ZNF213: variants seen among roughly 807,000 people sequenced by gnomAD.
ZNF213 encodes putative transcription factor CR53.
In ZNF213, 32 loss-of-function variants were observed where a neutral mutation model predicts 46.0. The ratio of observed to expected loss-of-function variants is 0.70; its 90% confidence interval spans 0.52 to 0.93. ZNF213 has a LOEUF of 0.93. ZNF213 is among the 40% of genes least tolerant of loss of function. The probability of loss-of-function intolerance (pLI) is 0.00; values close to 1 mark genes in which losing one functional copy is unlikely to be tolerated. For missense variants in ZNF213, 639 were observed against 652.8 expected, an observed-to-expected ratio of 0.98 and a Z score of 0.23; for synonymous variants, 297 against 271.0, an observed-to-expected ratio of 1.10 and a Z score of -0.94.
chr16:3,138,799 G>C lies in ZNF213; in HGVS notation c.578G>C (p.Cys193Ser). 1 of 1,614,036 alleles carries C rather than the reference G, an allele frequency of 6.2e-7. No homozygotes were observed. Among genetic ancestry groups the C allele is most frequent in the Non-Finnish European group, 8.5e-7 (1 of 1,179,976 alleles). Residue 193 changes from cysteine (C) to serine (S), a missense_variant, in exon 4 of 6, where the codon TGC (cysteine) becomes TCC (serine). Transcript: ENST00000396878. ...EGRPGETTDT[C>S]FVSGVHGPVA... ...CGTCCCGGAGAGACGACGGACACCT[G>C]CTTTGTCTCTGGGGTCCATGTGAGT...
rs374737117 is a variant in ZNF213, at chr16:3,142,128, GCACTCCATCAGCACTAGCACCT to G, written c.*813_*834del. Reference sequence around the variant, plus strand: ...TGGGGCTGCACCAGACTCAGCACTAGCACTCCATCAGCACTAGCACCTCACTCCATCAGCACTAGCACCTCAC... The same window carrying G: ...TGGGGCTGCACCAGACTCAGCACTAGCACTCCATCAGCACTAGCACCTCAC... On this transcript the variant is annotated 3_prime_UTR_variant, in exon 6 of 6. Coordinates refer to ENST00000396878, the MANE Select transcript of ZNF213 (RefSeq NM_004220.3). The G allele has an allele frequency of 2.5e-3, 427 of 169,572 alleles. 2 individuals are homozygous for G. The highest frequency in any genetic ancestry group is 9.3e-3 in the African/African-American group (386 of 41,618). The allele number at this position is 169,572 out of a possible 1,614,324, so 10.5% of individuals were successfully genotyped here.
Position 3,141,626 on chromosome 16 carries a change from A to C in ZNF213, c.*279A>C. On this transcript the variant is annotated 3_prime_UTR_variant, in exon 6 of 6. Coordinates refer to ENST00000396878, the MANE Select transcript of ZNF213 (RefSeq NM_004220.3). ...CTCTAGTTTCCTGGAGCCCCAACAC[A>C]TTCCTGGCAGGGACAGCAGGGTGGC... 2.2e-6 allele frequency: 1 copy of C among 460,628 alleles called. No homozygotes were observed. Among genetic ancestry groups the C allele is most frequent in the Non-Finnish European group, 3.8e-6 (1 of 261,398 alleles). 28.5% of individuals were successfully genotyped at this position (460,628 alleles called of 1,614,324 possible).
intron 5 of ZNF213, 59 bp from the exon 6 acceptor site, chr16:3,140,630 C>T (rs1031498127): frequency 5.5e-6 from 8 of 1,461,306 alleles, no homozygotes; most frequent in African/African-American, 3.0e-5. Context: ...TTCTTCCTCA[C>T]CTCAGCTCTG....
chr16:3,138,205 T>G lies in ZNF213; in HGVS notation c.400-213T>G. On this transcript the variant is annotated intron_variant, in intron 2 of 5. Coordinates refer to ENST00000396878, the MANE Select transcript of ZNF213 (RefSeq NM_004220.3). Reference sequence around the variant, plus strand: ...TGTGATTCTGGCCTTTCAGGGCTGGTTCTTGCCTCGTGAATGATCGGGGAG... The same window carrying G: ...TGTGATTCTGGCCTTTCAGGGCTGGGTCTTGCCTCGTGAATGATCGGGGAG... 6 of 947,216 alleles carry G rather than the reference T, an allele frequency of 6.3e-6. No individual in the cohort carries two copies. The South Asian group carries it at 7.0e-5, about 11-fold the overall frequency. 58.7% of individuals were successfully genotyped at this position (947,216 alleles called of 1,614,324 possible).
rs2094633046 is a variant in ZNF213 at position 3,142,370 on chromosome 16, C to CGG, written c.*1023_*1024insGG. On this transcript the variant is annotated 3_prime_UTR_variant, in exon 6 of 6. Coordinates refer to ENST00000396878, the MANE Select transcript of ZNF213 (RefSeq NM_004220.3). ...ACTCCAGCGGCACTAATGACCCGCT[C>CGG]CTTTGACATTGGTGCCCCACTCCAT... is the stretch of plus-strand genomic sequence containing the variant. 55 of 159,386 alleles carry CGG rather than the reference C, an allele frequency of 3.5e-4. No homozygotes were observed. The highest frequency in any genetic ancestry group is 5.7e-4 in the South Asian group (8 of 14,084). 9.9% of individuals were successfully genotyped at this position (159,386 alleles called of 1,614,324 possible). A position where few individuals can be genotyped will look rare whatever the true frequency, so the allele number is the denominator to read the frequency against.
At position 3,139,006 on chromosome 16, in the gene ZNF213, A is replaced by C. The variant is rs542730258; in HGVS notation, c.629A>C (p.Tyr210Ser). Residue 210 changes from tyrosine to serine, a missense_variant, in exon 5 of 6, where the codon TAT becomes TCT. Tyr to Ser is a moderately radical substitution (Grantham distance 144). Transcript: ENST00000396878. ...GPVALGDIPF[Y>S]FSREEWGTLD... ...GTGGCATTGGGAGACATCCCATTCT[A>C]TTTCTCCCGGGAAGAATGGGGCACC... 1.2e-6 allele frequency: 2 copies of C among 1,613,728 alleles called. No individual in the cohort carries two copies. The highest frequency in any genetic ancestry group is 1.7e-6 in the Non-Finnish European group (2 of 1,179,914).
At position 3,137,398 on chromosome 16, in the gene ZNF213, G is replaced by A. The variant is rs755016107; in HGVS notation, c.118G>A (p.Asp40Asn). ...QESAQHEDGRDSEACRQRFRQ... is the reference protein window; with the variant it reads ...QESAQHEDGRNSEACRQRFRQ... ...ATCTGCCCAGCATGAGGATGGCAGG[G>A]ATTCCGAAGCCTGCCGCCAGCGCTT... The change falls in exon 2 of 6, where the codon GAT becomes AAT. Residue 40 changes from aspartate (D) to asparagine (N), a missense_variant. Coordinates refer to ENST00000396878, the MANE Select transcript of ZNF213 (RefSeq NM_004220.3). The A allele has an allele frequency of 1.2e-6, 2 of 1,613,894 alleles. No homozygotes were observed. Among genetic ancestry groups the A allele is most frequent in the East Asian group, 4.5e-5 (2 of 44,894 alleles).
intron 5 of ZNF213, 158 bp downstream of exon 5, chr16:3,139,256 T>C: frequency 8.5e-7 from 1 of 1,177,858 alleles, no homozygotes; most frequent in South Asian, 1.5e-5. Flanking sequence ...TGATCAGTTT[T>C]TGTGCGTTTC....
rs113299509 is a variant in ZNF213 at position 3,135,716 on chromosome 16, T to G, written c.-116+329T>G. Among the ~76,000 whole-genome samples, 5 of 152,324 alleles carry G rather than the reference T, an allele frequency of 3.3e-5. 1 individual carries two copies. Among genetic ancestry groups the G allele is most frequent in the African/African-American group, 1.2e-4 (5 of 41,580 alleles). On this transcript the variant is annotated intron_variant, in intron 1 of 5. Transcript: ENST00000396878. The stretch of plus-strand genomic sequence containing the variant: ...TCTGGGACGTCATTTGTCAGACTGT[T>G]AAGTCGGGGGGTACAATGGTATTGA...
intron 2 of ZNF213, 178 bp downstream of exon 2, chr16:3,137,857 G>C (rs939371067): frequency 9.1e-6 from 7 of 767,340 alleles, no homozygotes; most frequent in Admixed American, 5.9e-5. Flanking sequence ...GCGATCCAAA[G>C]TAAATGTGAT....
At chr16:3,138,000 G>T in intron 2 of ZNF213, 1 of 479,426 alleles carries the variant, frequency 2.1e-6, no homozygotes, top group Admixed American at 3.8e-5. Context: ...GGGACACAAG[G>T]GTGTGCATAG....
chr16:3,135,827 ACTTTT>A (rs1303056582), intron 1 of ZNF213, among the ~76,000 whole-genome samples: 3 of 141,908 alleles, frequency 2.1e-5, no homozygotes, highest in African/African-American at 5.2e-5. Context: ...TTTTCTTTTT[ACTTTT>A]CTTTTCTTTC....
intron 2 of ZNF213, 33 bp downstream of exon 2, chr16:3,137,712 G>A (rs1206185753): frequency 1.9e-6 from 3 of 1,605,024 alleles, no homozygotes; most frequent in Non-Finnish European, 2.6e-6. Flanking sequence ...GGGGCACCTG[G>A]ATGGTATCTG....
intron 2 of ZNF213, 42 bp from the exon 3 acceptor site, chr16:3,138,376 G>T: frequency 6.2e-7 from 1 of 1,611,250 alleles, no homozygotes; most frequent in Non-Finnish European, 8.5e-7. Context: ...GTCTCCCCCG[G>T]TCTGGTCTCG....
chr16:3,139,177 CTT>C, intron 5 of ZNF213, 79 bp downstream of exon 5: 1 of 1,566,122 alleles, frequency 6.4e-7, no homozygotes, highest in Non-Finnish European at 8.6e-7. Flanking sequence ...CCACCCCATC[CTT>C]AGCTGGTTCC....
rs1567185459 is a variant in ZNF213 at position 3,138,717 on chromosome 16, T to A, written c.524-28T>A. 4 of 1,613,780 alleles carry A rather than the reference T, an allele frequency of 2.5e-6. No individual in the cohort carries two copies. In the Admixed American group the frequency reaches 5.0e-5, roughly 20 times the overall value. ...CGTCGGTGTCAAGCCTGGGCTGGCCTTTCTAAGGCTCCATTCTTCTCCTTC... is the reference window on the plus strand; with the variant it reads ...CGTCGGTGTCAAGCCTGGGCTGGCCATTCTAAGGCTCCATTCTTCTCCTTC... On this transcript the variant is annotated intron_variant, in intron 3 of 5. Transcript: ENST00000396878.
In ZNF213 at chr16:3,137,415, C is replaced by G; in HGVS notation, c.135C>G (p.Arg45=). The G allele has an allele frequency of 6.2e-7, 1 of 1,613,968 alleles. No homozygotes were observed. The highest frequency in any genetic ancestry group is 8.5e-7 in the Non-Finnish European group (1 of 1,180,036). ...HEDGRDSEAC[R]QRFRQFCYGD... is the part of the protein sequence containing the mutation. Reference sequence around the variant, plus strand: ...ATGGCAGGGATTCCGAAGCCTGCCGCCAGCGCTTCCGGCAATTCTGCTACG... The same window carrying G: ...ATGGCAGGGATTCCGAAGCCTGCCGGCAGCGCTTCCGGCAATTCTGCTACG... The change falls in exon 2 of 6, where the codon CGC becomes CGG. Residue 45 remains arginine, a synonymous_variant. Transcript: ENST00000396878.
At position 3,137,159 on chromosome 16, in the gene ZNF213, T is replaced by A; in HGVS notation, c.-115-7T>A. 7.3e-7 allele frequency: 1 copy of A among 1,362,974 alleles called. No individual in the cohort carries two copies. Among genetic ancestry groups the A allele is most frequent in the Non-Finnish European group, 9.9e-7 (1 of 1,013,796 alleles). 84.4% of individuals were successfully genotyped at this position (1,362,974 alleles called of 1,614,324 possible). A position where few individuals can be genotyped will look rare whatever the true frequency, so the allele number is the denominator to read the frequency against. Reference sequence around the variant, plus strand: ...TCCTCAGTCCTGCCATTTTGCTCTTTCCCCAGGAGTACACATCCAGATGCC... The same window carrying A: ...TCCTCAGTCCTGCCATTTTGCTCTTACCCCAGGAGTACACATCCAGATGCC... On this transcript the variant is annotated splice_polypyrimidine_tract_variant and splice_region_variant and intron_variant, in intron 1 of 5. Transcript: ENST00000396878.
intron 1 of ZNF213, among the ~76,000 whole-genome samples, chr16:3,136,070 A>T (rs1036423798): frequency 1.1e-4 from 16 of 152,044 alleles, no homozygotes; most frequent in African/African-American, 3.4e-4. Flanking sequence ...GCCTCAAGCA[A>T]TCATCCTGTG....
Sources: allele counts gnomAD v4.1 joint callset (sites outside exome capture counted in the v4.1 genomes callset), GRCh38; gene constraint gnomAD v4.1.1; transcripts MANE v1.5; gene names NCBI Gene and HGNC (gene_info 2026-07-23, HGNC 2026-07-21).